The following ZBTB20 variants were observed in gnomAD, a reference collection of about 807,000 sequenced individuals.
ZBTB20 encodes the protein zinc finger and BTB domain-containing protein 20.
In ZBTB20, 9 loss-of-function variants were observed where a neutral mutation model predicts 56.9. The observed-to-expected ratio is 0.16, with a 90% CI of 0.10 to 0.28. The LOEUF (loss-of-function observed/expected upper bound fraction) is 0.28, where lower values mean the gene tolerates loss of function less well. ZBTB20 is among the 10% of genes least tolerant of loss of function. The probability of loss-of-function intolerance (pLI) is 1.00; values close to 1 mark genes in which losing one functional copy is unlikely to be tolerated. For synonymous variants in ZBTB20, 417 were observed against 420.7 expected (o/e 0.99, Z 0.11); for missense variants, 655 against 1,003.0 (o/e 0.65, Z 4.69).
At chr3:114,798,604 T>C (rs1049341898) in intron 5 of ZBTB20, among the ~76,000 whole-genome samples, 2 of 151,944 alleles carry the variant, frequency 1.3e-5, no homozygotes, top group African/African-American at 4.8e-5. Context: ...GTGGTCAATA[T>C]GGTTTGTGTA....
intron 5 of ZBTB20, among the ~76,000 whole-genome samples, chr3:114,697,314 A>C (rs896428411): frequency 1.3e-5 from 2 of 152,024 alleles, no homozygotes; most frequent in Non-Finnish European, 2.9e-5. Context: ...AATAAGTAAA[A>C]ACGAAGTCAA....
chr3:114,457,596 T>C (rs1363995583), intron 7 of ZBTB20, among the ~76,000 whole-genome samples: 1 of 152,220 alleles, frequency 6.6e-6, no homozygotes, highest in Non-Finnish European at 1.5e-5. Context: ...CAGATTTTAC[T>C]ATATTTCCTG....
chr3:114,523,716 G>A (rs1234575480), intron 6 of ZBTB20, among the ~76,000 whole-genome samples: 1 of 152,156 alleles, frequency 6.6e-6, no homozygotes, highest in East Asian at 1.9e-4. Flanking sequence ...TGGACAGCAA[G>A]TATTTGTGAA....
At chr3:114,834,026 G>A (rs2073994684) in intron 4 of ZBTB20, among the ~76,000 whole-genome samples, 1 of 151,992 alleles carries the variant, frequency 6.6e-6, no homozygotes, top group Non-Finnish European at 1.5e-5. Flanking sequence ...ACTAATGTAC[G>A]TATTAGATTG....
At chr3:114,817,653 T>C (rs2073019365) in intron 4 of ZBTB20, among the ~76,000 whole-genome samples, 2 of 152,110 alleles carry the variant, frequency 1.3e-5, no homozygotes, top group African/African-American at 4.8e-5. Context: ...ATTTCCTTAT[T>C]TGTATCTATC....
chr3:114,376,907 G>T (rs1428479255), intron 10 of ZBTB20, among the ~76,000 whole-genome samples: 1 of 152,166 alleles, frequency 6.6e-6, no homozygotes, highest in African/African-American at 2.4e-5. Context: ...TCTTTCAATG[G>T]GAGCCTTATT....
chr3:114,772,427 C>T (rs2069283072), intron 5 of ZBTB20, among the ~76,000 whole-genome samples: 1 of 152,054 alleles, frequency 6.6e-6, no homozygotes, highest in Non-Finnish European at 1.5e-5. Flanking sequence ...CAGCTGGGCT[C>T]TCTCTATGGT....
At chr3:114,705,690 G>A (rs758979627) in intron 5 of ZBTB20, among the ~76,000 whole-genome samples, 7 of 152,092 alleles carry the variant, frequency 4.6e-5, no homozygotes, top group African/African-American at 7.2e-5. Context: ...CTAAGTCTAC[G>A]TATGGTAGGT....
chr3:115,047,540 T>A (rs991480985), intron 2 of ZBTB20, among the ~76,000 whole-genome samples: 1 of 152,216 alleles, frequency 6.6e-6, no homozygotes, highest in Admixed American at 6.5e-5. Context: ...TTGTTAGAAT[T>A]TTCATATTTT....
chr3:114,350,530 G>T lies in ZBTB20; in HGVS notation c.1548C>A (p.Pro516=). The T allele has an allele frequency of 6.2e-7, 1 of 1,614,130 alleles. No individual in the cohort carries two copies. The highest frequency in any genetic ancestry group is 8.5e-7 in the Non-Finnish European group (1 of 1,180,024). ...TYLPALFTTQ[P]AGSGPKPFLF... ...GGAAAGGCTTGGGGCCACTGCCCGC[G>T]GGCTGGGTAGTGAAGAGGGCTGGCA... The change falls in exon 11 of 12, where the codon CCC becomes CCA. Residue 516 remains proline, a synonymous_variant. Transcript: ENST00000675478.
chr3:114,810,066 G>T (rs931340844), intron 4 of ZBTB20, among the ~76,000 whole-genome samples: 1 of 151,466 alleles, frequency 6.6e-6, no homozygotes, highest in Admixed American at 6.5e-5. Flanking sequence ...CTATGCTAAC[G>T]CCTCTAATTG....
intron 7 of ZBTB20, among the ~76,000 whole-genome samples, chr3:114,398,717 T>C (rs2092264377): frequency 6.6e-6 from 1 of 152,142 alleles, no homozygotes; most frequent in East Asian, 1.9e-4. Flanking sequence ...CATGGTAACT[T>C]GATGAAAAGA....
intron 1 of ZBTB20, among the ~76,000 whole-genome samples, chr3:115,087,044 TG>T (rs1489425826): frequency 6.6e-6 from 1 of 151,816 alleles, no homozygotes; most frequent in African/African-American, 2.4e-5. Context: ...AACTTTCCCC[TG>T]GGGTTCAAGC....
rs2107376654 is a variant in ZBTB20 at position 115,147,268 on chromosome 3, C to G, written c.-752G>C. ...TCCTCAACTCCTAAACTTCCCCCCG[C>G]CCCTACTTCTTCGGCAGAAGGCCCA... On this transcript the variant is annotated 5_prime_UTR_variant, in exon 1 of 12. Coordinates refer to ENST00000675478, the MANE Select transcript of ZBTB20 (RefSeq NM_001348800.3). The G allele has an allele frequency of 6.6e-6, 1 of 151,536 alleles. No individual in the cohort carries two copies. The highest frequency in any genetic ancestry group is 6.6e-5 in the Admixed American group (1 of 15,216). 9.4% of individuals were successfully genotyped at this position (151,536 alleles called of 1,614,324 possible). A position where few individuals can be genotyped will look rare whatever the true frequency, so the allele number is the denominator to read the frequency against.
chr3:114,794,436 C>A (rs544706954), intron 5 of ZBTB20, among the ~76,000 whole-genome samples: 1 of 152,196 alleles, frequency 6.6e-6, no homozygotes. Flanking sequence ...ATTGGGATTA[C>A]AGTACCAGCC....
intron 1 of ZBTB20, among the ~76,000 whole-genome samples, chr3:115,126,527 G>A (rs1044173339): frequency 6.6e-5 from 10 of 151,904 alleles, no homozygotes; most frequent in African/African-American, 1.9e-4. Context: ...AAGTGAAAAG[G>A]AACCTGTAAG....
At chr3:114,474,470 C>T (rs181183074) in intron 7 of ZBTB20, among the ~76,000 whole-genome samples, 24 of 152,144 alleles carry the variant, frequency 1.6e-4, no homozygotes, top group Admixed American at 3.3e-4. Context: ...CATAATCCTC[C>T]AAGTCTTTTT....
chr3:114,563,324 A>G (rs937573330), intron 6 of ZBTB20, among the ~76,000 whole-genome samples: 2 of 152,192 alleles, frequency 1.3e-5, no homozygotes, highest in African/African-American at 4.8e-5. Flanking sequence ...ACCGAATCCC[A>G]TTTTTAACTG....
intron 5 of ZBTB20, among the ~76,000 whole-genome samples, chr3:114,711,083 A>T (rs979543469): frequency 6.6e-6 from 1 of 152,128 alleles, no homozygotes; most frequent in Admixed American, 6.6e-5. Flanking sequence ...ACTCGGTGAG[A>T]CCTTTCCTAC....
Sources: gnomAD v4.1 joint callset for allele counts (sites outside exome capture counted in the v4.1 genomes callset) on GRCh38, gnomAD v4.1.1 for gene constraint, MANE v1.5 for transcripts, NCBI Gene and HGNC (gene_info 2026-07-23, HGNC 2026-07-21) for gene names.